The following DMTF1 variants were observed in gnomAD, a reference collection of about 807,000 sequenced individuals.
The protein encoded by DMTF1 is cyclin D binding myb like transcription factor 1, also known as cyclin-D-binding Myb-like transcription factor 1.
A neutral mutation model predicts 91.1 loss-of-function variants in DMTF1; 39 were observed. The ratio of observed to expected loss-of-function variants is 0.43; its 90% confidence interval spans 0.33 to 0.56. DMTF1 has a LOEUF of 0.56. DMTF1 is among the 20% of genes least tolerant of loss of function. The pLI is 0.05. For missense variants in DMTF1, 750 were observed against 914.5 expected (o/e 0.82, Z 2.32); for synonymous variants, 338 against 309.5 (o/e 1.09, Z -0.97).
chr7:87,154,905 C>T (rs1217360986), intron 1 of DMTF1, among the ~76,000 whole-genome samples: 2 of 152,134 alleles, frequency 1.3e-5, no homozygotes, highest in Admixed American at 1.3e-4. Context: ...TTGCCTTTAC[C>T]TCCTCCGCAA....
rs757235690 is a variant in DMTF1, at chr7:87,193,375, A to G, written c.1650+22A>G. ...ATCCGTATGTTACATAAATTACTTG[A>G]TTTTTGAGTACCTGTTATAGACCAG... On this transcript the variant is annotated intron_variant, in intron 15 of 17. Coordinates refer to ENST00000331242, the MANE Select transcript of DMTF1 (RefSeq NM_001142327.2). 10 of 1,611,594 alleles carry G rather than the reference A, an allele frequency of 6.2e-6. 1 individual carries two copies. Among genetic ancestry groups the G allele is most frequent in the Middle Eastern group, 1.7e-4 (1 of 6,048 alleles).
At chr7:87,189,117 A>G (rs1799157496) in intron 13 of DMTF1, among the ~76,000 whole-genome samples, 1 of 152,098 alleles carries the variant, frequency 6.6e-6, no homozygotes, top group African/African-American at 2.4e-5. Context: ...GTGTCCTTTG[A>G]TCTTGCCCAC....
At chr7:87,156,894 G>T (rs754380360) in intron 1 of DMTF1, among the ~76,000 whole-genome samples, 1 of 152,118 alleles carries the variant, frequency 6.6e-6, no homozygotes, top group Non-Finnish European at 1.5e-5. Flanking sequence ...CTACAAAAAT[G>T]TTGAGTAATA....
intron 13 of DMTF1, 137 bp from the exon 14 acceptor site, chr7:87,190,807 TA>T: frequency 1.6e-6 from 1 of 618,166 alleles, no homozygotes; most frequent in Non-Finnish European, 2.7e-6. Flanking sequence ...TTAAGAAATG[TA>T]AATGACTTCA....
chr7:87,188,315 CT>C lies in DMTF1; in HGVS notation c.1411+16del, dbSNP rs772967984. ...TCACCCATGTTTGTAAGTGTTTGAT[CT>C]TCAAGATTCCTTGCTGTTTGATCTA... On this transcript the variant is annotated intron_variant, in intron 13 of 17. Coordinates refer to ENST00000331242, the MANE Select transcript of DMTF1 (RefSeq NM_001142327.2). 5 of 1,612,906 alleles carry C rather than the reference CT, an allele frequency of 3.1e-6. No individual in the cohort carries two copies. The Admixed American group carries it at 8.3e-5, about 27-fold the overall frequency.
At chr7:87,190,263 C>A (rs1195421526) in intron 13 of DMTF1, among the ~76,000 whole-genome samples, 1 of 151,760 alleles carries the variant, frequency 6.6e-6, no homozygotes, top group Non-Finnish European at 1.5e-5. Flanking sequence ...TGTTTACAAG[C>A]ACTTTTGATC....
At position 87,153,135 on chromosome 7, in the gene DMTF1, T is replaced by G. The variant is rs537551018; in HGVS notation, c.-132+580T>G. ...CTTTTCCCTCGTTTGCGCTTTAGAT[T>G]CTTCTGTAATTTTGCGGGGGTTCAG... On this transcript the variant is annotated intron_variant, in intron 1 of 17. Transcript: ENST00000331242. Among the ~76,000 whole-genome samples, 7 of 152,162 alleles carry G rather than the reference T, an allele frequency of 4.6e-5. No homozygotes were observed. The South Asian group carries it at 1.2e-3, about 27-fold the overall frequency.
intron 3 of DMTF1, among the ~76,000 whole-genome samples, chr7:87,165,823 A>G (rs957782989): frequency 6.6e-6 from 1 of 152,214 alleles, no homozygotes; most frequent in Admixed American, 6.5e-5. Context: ...CATCACCTGC[A>G]TCATTTCATT....
rs773268305 is a variant in DMTF1 at position 87,166,467 on chromosome 7, T to C, written c.110-16T>C. 6.3e-7 allele frequency: 1 copy of C among 1,595,548 alleles called. No homozygotes were observed. The highest frequency in any genetic ancestry group is 8.5e-7 in the Non-Finnish European group (1 of 1,173,366). On this transcript the variant is annotated splice_polypyrimidine_tract_variant and intron_variant, in intron 3 of 17. Coordinates refer to ENST00000331242, the MANE Select transcript of DMTF1 (RefSeq NM_001142327.2). ...CTTTGGTTTGAAATTTTTGTTTGTT[T>C]GTTTTCTTCCATTAGAAGCGGATGA...
intron 1 of DMTF1, among the ~76,000 whole-genome samples, chr7:87,158,228 A>G (rs898284697): frequency 2.6e-5 from 4 of 152,058 alleles, no homozygotes; most frequent in African/African-American, 9.7e-5. Flanking sequence ...TGTTCTGTCA[A>G]TAATAAACGT....
chr7:87,182,368 TG>T, intron 10 of DMTF1, 31 bp downstream of exon 10: 2 of 1,610,282 alleles, frequency 1.2e-6, no homozygotes, highest in Non-Finnish European at 1.7e-6. Flanking sequence ...AGCGTTTTCT[TG>T]TCACCACTTA....
chr7:87,166,624 A>C lies in DMTF1; in HGVS notation c.232+19A>C, dbSNP rs200005019. On this transcript the variant is annotated intron_variant, in intron 4 of 17. Transcript: ENST00000331242. Reference sequence around the variant, plus strand: ...CTTCCACGTAAGTCACTACGTATTAAGAGCCATAGAGTTCCCTTTTAAAAT... The same window carrying C: ...CTTCCACGTAAGTCACTACGTATTACGAGCCATAGAGTTCCCTTTTAAAAT... The C allele has an allele frequency of 4.6e-6, 7 of 1,532,044 alleles. No homozygotes were observed. The highest frequency in any genetic ancestry group is 6.2e-6 in the Non-Finnish European group (7 of 1,135,824). The allele number at this position is 1,532,044 out of a possible 1,614,324, so 94.9% of individuals were successfully genotyped here.
At chr7:87,157,660 C>T (rs918735850) in intron 1 of DMTF1, among the ~76,000 whole-genome samples, 3 of 152,026 alleles carry the variant, frequency 2.0e-5, no homozygotes, top group Admixed American at 6.6e-5. Context: ...TAACTCATTT[C>T]TTTAATTGAA....
At chr7:87,190,522 T>G (rs1238744089) in intron 13 of DMTF1, among the ~76,000 whole-genome samples, 1 of 152,076 alleles carries the variant, frequency 6.6e-6, no homozygotes, top group Non-Finnish European at 1.5e-5. Context: ...TAGAAACATT[T>G]AATCATGTAT....
intron 14 of DMTF1, among the ~76,000 whole-genome samples, chr7:87,192,015 T>C (rs55817867): frequency 0.037 from 5,607 of 152,204 alleles, 127 homozygotes; most frequent in East Asian, 0.065. Context: ...TCTCCTAATC[T>C]AGTGGTCTTT....
At chr7:87,185,268 A>T (rs1260579767) in intron 11 of DMTF1, among the ~76,000 whole-genome samples, 1 of 152,190 alleles carries the variant, frequency 6.6e-6, no homozygotes, top group Non-Finnish European at 1.5e-5. Context: ...CCCTACCGAA[A>T]ATCAAATTGT....
At chr7:87,193,655 G>A (rs755547962) in intron 15 of DMTF1, 70 bp from the exon 16 acceptor site, 36 of 1,358,972 alleles carry the variant, frequency 2.6e-5, no homozygotes, top group Admixed American at 4.4e-5. Flanking sequence ...AGATGTGGGG[G>A]GAGACAGTGA....
At chr7:87,191,869 A>C (rs982710559) in intron 14 of DMTF1, among the ~76,000 whole-genome samples, 4 of 152,170 alleles carry the variant, frequency 2.6e-5, no homozygotes, top group Admixed American at 2.6e-4. Flanking sequence ...AATTTTATTA[A>C]ATCAAGATTT....
rs1801062397 is a variant in DMTF1 at position 87,195,512 on chromosome 7, A to G, written c.*372A>G. 5.5e-6 allele frequency: 1 copy of G among 180,910 alleles called. No individual in the cohort carries two copies. The highest frequency in any genetic ancestry group is 1.2e-5 in the Non-Finnish European group (1 of 85,696). 11.2% of individuals were successfully genotyped at this position (180,910 alleles called of 1,614,324 possible). On this transcript the variant is annotated 3_prime_UTR_variant, in exon 18 of 18. Transcript: ENST00000331242. ...ATCAGACATGGCACTGTCTCCTCTC[A>G]AGCCTGGTTGTAGTTCAGATGAGTC...
Sources: allele counts gnomAD v4.1 joint callset (sites outside exome capture counted in the v4.1 genomes callset), GRCh38; gene constraint gnomAD v4.1.1; transcripts MANE v1.5; gene names NCBI Gene and HGNC (gene_info 2026-07-23, HGNC 2026-07-21).